Variants in HNMT observed in about 807,000 individuals in gnomAD.
The protein encoded by HNMT is histamine N-methyltransferase.
A neutral mutation model predicts 32.1 loss-of-function variants in HNMT; 30 were observed. That is an observed-to-expected ratio of 0.93 (90% CI 0.70 to 1.27). HNMT has a LOEUF of 1.27. Among genes scored for constraint, HNMT ranks in the 50% most tolerant of loss-of-function variants. The pLI is 0.00. For synonymous variants in HNMT, 125 were observed against 119.0 expected, an observed-to-expected ratio of 1.05 and a Z score of -0.33; for missense variants, 327 against 346.0, an observed-to-expected ratio of 0.95 and a Z score of 0.43.
At chr2:137,998,398 A>G (rs1681058616) in intron 2 of HNMT, among the ~76,000 whole-genome samples, 1 of 152,180 alleles carries the variant, frequency 6.6e-6, no homozygotes, top group Non-Finnish European at 1.5e-5. Flanking sequence ...TAGGACCAAA[A>G]AACGAAAGCA....
chr2:137,971,592 A>G (rs1055211154), intron 2 of HNMT, among the ~76,000 whole-genome samples: 1 of 152,216 alleles, frequency 6.6e-6, no homozygotes, highest in Non-Finnish European at 1.5e-5. Flanking sequence ...CTCAGCCTCC[A>G]GTGAAATTTA....
chr2:138,010,303 C>G (rs924746627), intron 5 of HNMT, among the ~76,000 whole-genome samples: 10 of 147,594 alleles, frequency 6.8e-5, no homozygotes, highest in African/African-American at 2.5e-4. Flanking sequence ...CTACAATAAG[C>G]TCTGAATATA....
Position 137,992,568 on chromosome 2 carries a change from T to C in HNMT, c.191-8350T>C, listed in dbSNP as rs528830113. On this transcript the variant is annotated intron_variant, in intron 2 of 5. Coordinates refer to ENST00000280097, the MANE Select transcript of HNMT (RefSeq NM_006895.3). ...AGGGACAGAACCTGCATCTCCCTGG[T>C]CCTGTGTCCCTAGGGGGAGGGATGG... Among the ~76,000 whole-genome samples the C allele has an allele frequency of 2.6e-5, 4 of 152,214 alleles. No individual in the cohort carries two copies. In the South Asian group the frequency reaches 8.3e-4, roughly 32 times the overall value.
At chr2:138,008,088 G>T (rs1414967370) in intron 5 of HNMT, among the ~76,000 whole-genome samples, 1 of 151,800 alleles carries the variant, frequency 6.6e-6, no homozygotes, top group African/African-American at 2.4e-5. Flanking sequence ...TCATCACCCA[G>T]GTATTAAACC....
rs149686557 is a variant in HNMT at position 138,004,812 on chromosome 2, C to T, written c.430-320C>T. ...TGCAATTCACGAATTATAGAATAGG[C>T]ATAGGATTCATGTCCCCATGTGGAA... is the stretch of plus-strand genomic sequence containing the variant. On this transcript the variant is annotated intron_variant, in intron 4 of 5. Coordinates refer to ENST00000280097, the MANE Select transcript of HNMT (RefSeq NM_006895.3). Among the ~76,000 whole-genome samples, 10 of 152,162 alleles carry T rather than the reference C, an allele frequency of 6.6e-5. No individual in the cohort carries two copies. In the East Asian group the frequency reaches 1.7e-3, roughly 26 times the overall value.
At chr2:138,008,331 A>G (rs2104985548) in intron 5 of HNMT, among the ~76,000 whole-genome samples, 1 of 152,024 alleles carries the variant, frequency 6.6e-6, no homozygotes, top group South Asian at 2.1e-4. Flanking sequence ...TTTATTTTTT[A>G]TGGCTGCATA....
chr2:137,970,640 G>A lies in HNMT; in HGVS notation c.190+423G>A, dbSNP rs1385655479. Among the ~76,000 whole-genome samples, 4 of 152,078 alleles carry A rather than the reference G, an allele frequency of 2.6e-5. 1 individual carries two copies. Among genetic ancestry groups the A allele is most frequent in the Non-Finnish European group, 5.9e-5 (4 of 68,006 alleles). On this transcript the variant is annotated intron_variant, in intron 2 of 5. Coordinates refer to ENST00000280097, the MANE Select transcript of HNMT (RefSeq NM_006895.3). ...TGAAGATCTGAAATGTGCACAGGAG[G>A]CTGGGCGCGGTGGCTCACGCCTGTA...
chr2:137,998,486 A>T (rs1681061145), intron 2 of HNMT, among the ~76,000 whole-genome samples: 1 of 152,186 alleles, frequency 6.6e-6, no homozygotes, highest in African/African-American at 2.4e-5. Context: ...ATGAGGTCAG[A>T]AATAGATTTT....
intron 2 of HNMT, among the ~76,000 whole-genome samples, chr2:137,976,043 G>A (rs902998786): frequency 6.6e-6 from 1 of 152,058 alleles, no homozygotes; most frequent in African/African-American, 2.4e-5. Context: ...AACTGGGGCC[G>A]ATCACCTGAG....
chr2:137,966,961 G>A (rs997280526), intron 1 of HNMT: 10 of 671,000 alleles, frequency 1.5e-5, no homozygotes, highest in Non-Finnish European at 1.3e-5. Context: ...AAGAGTGAAC[G>A]AGAGGTAAAC....
At chr2:138,003,229 T>TATA (rs943466405) in intron 4 of HNMT, among the ~76,000 whole-genome samples, 47 of 147,882 alleles carry the variant, frequency 3.2e-4, no homozygotes, top group South Asian at 8.5e-4. Context: ...AAACTTAAAG[T>TATA]ATAATAATAA....
rs1050028398 is a variant in HNMT, at chr2:138,014,226, T to C, written c.*96T>C. 3.8e-6 allele frequency: 3 copies of C among 791,742 alleles called. No individual in the cohort carries two copies. Among genetic ancestry groups the C allele is most frequent in the Non-Finnish European group, 6.0e-6 (3 of 503,016 alleles). The allele number at this position is 791,742 out of a possible 1,614,324, so 49.0% of individuals were successfully genotyped here. On this transcript the variant is annotated 3_prime_UTR_variant, in exon 6 of 6. Coordinates refer to ENST00000280097, the MANE Select transcript of HNMT (RefSeq NM_006895.3). ...AAAATCACAAACTCATCCATTAATG[T>C]AGATAAAGCACTGTTTGGATATGAG...
chr2:137,989,886 A>G (rs1680767607), intron 2 of HNMT, among the ~76,000 whole-genome samples: 1 of 152,092 alleles, frequency 6.6e-6, no homozygotes, highest in Admixed American at 6.6e-5. Context: ...TGTCATCTGT[A>G]TATCTTCTTT....
intron 5 of HNMT, among the ~76,000 whole-genome samples, chr2:138,006,998 A>G (rs936461401): frequency 6.6e-6 from 1 of 152,084 alleles, no homozygotes; most frequent in Non-Finnish European, 1.5e-5. Flanking sequence ...CTTTCTCAAT[A>G]TGCAGTTAAC....
rs768472110 is a variant in HNMT, at chr2:138,002,107, T to A, written c.342T>A (p.Ala114=). The A allele has an allele frequency of 1.2e-6, 2 of 1,602,126 alleles. No individual in the cohort carries two copies. The highest frequency in any genetic ancestry group is 4.5e-5 in the East Asian group (2 of 44,466). Residue 114 remains alanine, a synonymous_variant, in exon 4 of 6, where the codon GCT becomes GCA. Coordinates refer to ENST00000280097, the MANE Select transcript of HNMT (RefSeq NM_006895.3). Reference sequence around the variant, plus strand: ...CGAACCTCGAGAACGTAAAGTTTGCTTGGCATAAGGAGACATCATCTGAAT... The same window carrying A: ...CGAACCTCGAGAACGTAAAGTTTGCATGGCATAAGGAGACATCATCTGAAT... ...KTSNLENVKF[A]WHKETSSEYQ...
In HNMT at chr2:138,013,860, C is replaced by T; in HGVS notation, c.609C>T (p.Asp203=). The part of the protein sequence containing the change: ...DDLCQYITSD[D]LTQMLDNLGL... The stretch of plus-strand genomic sequence containing the variant: ...TCTGCCAGTATATCACATCAGATGA[C>T]CTCACTCAGATGCTGGACAACCTAG... The change falls in exon 6 of 6, where the codon GAC becomes GAT. Residue 203 remains aspartate, a synonymous_variant. Coordinates refer to ENST00000280097, the MANE Select transcript of HNMT (RefSeq NM_006895.3). 3 of 1,613,698 alleles carry T rather than the reference C, an allele frequency of 1.9e-6. No homozygotes were observed. The highest frequency in any genetic ancestry group is 2.5e-6 in the Non-Finnish European group (3 of 1,179,756).
At chr2:137,999,096 A>T (rs1221743321) in intron 2 of HNMT, among the ~76,000 whole-genome samples, 1 of 152,182 alleles carries the variant, frequency 6.6e-6, no homozygotes, top group Non-Finnish European at 1.5e-5. Context: ...AGAAGAATAA[A>T]CATTGTAGAT....
rs144294370 is a variant in HNMT at position 137,999,274 on chromosome 2, T to C, written c.191-1644T>C. Among the ~76,000 whole-genome samples, 340 of 152,252 alleles carry C rather than the reference T, an allele frequency of 2.2e-3. 2 individuals are homozygous for C. Among genetic ancestry groups the C allele is most frequent in the African/African-American group, 7.8e-3 (324 of 41,568 alleles). On this transcript the variant is annotated intron_variant, in intron 2 of 5. Coordinates refer to ENST00000280097, the MANE Select transcript of HNMT (RefSeq NM_006895.3). ...AGCACAGTGTTTGGCAAATAGTAGGTGGCCAATAATAAATGGCAGCTATAG... is the reference window on the plus strand; with the variant it reads ...AGCACAGTGTTTGGCAAATAGTAGGCGGCCAATAATAAATGGCAGCTATAG...
intron 5 of HNMT, among the ~76,000 whole-genome samples, chr2:138,012,562 T>G (rs1165354863): frequency 6.6e-6 from 1 of 152,166 alleles, no homozygotes; most frequent in East Asian, 1.9e-4. Context: ...CTTTCCATTT[T>G]AATTTTCACT....
Sources: allele counts gnomAD v4.1 joint callset (sites outside exome capture counted in the v4.1 genomes callset), GRCh38; gene constraint gnomAD v4.1.1; transcripts MANE v1.5; gene names NCBI Gene and HGNC (gene_info 2026-07-23, HGNC 2026-07-21).